Variants in GRIK2 observed in about 807,000 individuals in gnomAD.
GRIK2 encodes glutamate ionotropic receptor kainate type subunit 2.
A neutral mutation model predicts 100.3 loss-of-function variants in GRIK2; 32 were observed. The ratio of observed to expected loss-of-function variants is 0.32; its 90% CI spans 0.24 to 0.43. GRIK2 has a LOEUF of 0.43. Among genes scored for constraint, GRIK2 ranks in the 20% least tolerant of loss-of-function variants. GRIK2 has a pLI of 1.00. For synonymous variants in GRIK2, 417 were observed against 389.4 expected (o/e 1.07, Z -0.83); for missense variants, 843 against 1,114.9 (o/e 0.76, Z 3.47).
intron 2 of GRIK2, among the ~76,000 whole-genome samples, chr6:101,620,860 C>T (rs1780122403): frequency 6.6e-6 from 1 of 152,068 alleles, no homozygotes; most frequent in African/African-American, 2.4e-5. Context: ...GGGTCACTCC[C>T]AGCTAACGAG....
At chr6:101,877,234 G>A (rs1785918481) in intron 11 of GRIK2, among the ~76,000 whole-genome samples, 1 of 151,910 alleles carries the variant, frequency 6.6e-6, no homozygotes, top group African/African-American at 2.4e-5. Flanking sequence ...AATACATACA[G>A]TTGGCCAGTT....
Position 101,589,917 on chromosome 6 carries a change from A to C in GRIK2, c.116-32032A>C, listed in dbSNP as rs538979218. ...ATTTACTAATTCAACTTGTTTACCTACTTGAAGGGGAAACTAATAATAACC... is the reference window on the plus strand; with the variant it reads ...ATTTACTAATTCAACTTGTTTACCTCCTTGAAGGGGAAACTAATAATAACC... On this transcript the variant is annotated intron_variant, in intron 2 of 16. Coordinates refer to ENST00000369134, the MANE Select transcript of GRIK2 (RefSeq NM_021956.5). 4.7e-4 allele frequency among the ~76,000 whole-genome samples: 72 copies of C among 152,194 alleles called. 2 individuals carry two copies. The South Asian group carries it at 0.015, about 31-fold the overall frequency.
chr6:101,403,279 C>A (rs117699663), intron 2 of GRIK2, among the ~76,000 whole-genome samples: 4,828 of 152,316 alleles, frequency 0.032, 104 homozygotes, highest in Non-Finnish European at 0.048. Context: ...GGTTTCCTTG[C>A]CGAATTGCTG....
intron 7 of GRIK2, among the ~76,000 whole-genome samples, chr6:101,765,320 T>G (rs73761418): frequency 6.6e-6 from 1 of 152,148 alleles, no homozygotes; most frequent in Non-Finnish European, 1.5e-5. Flanking sequence ...TGTTTATCTC[T>G]CTAGCATTAG....
chr6:101,943,594 T>C (rs1713203391), intron 14 of GRIK2, among the ~76,000 whole-genome samples: 1 of 152,174 alleles, frequency 6.6e-6, no homozygotes, highest in African/African-American at 2.4e-5. Context: ...CAGCATACCC[T>C]GTATGTGAGA....
chr6:101,835,512 C>T (rs952732654), intron 10 of GRIK2, among the ~76,000 whole-genome samples: 3 of 145,606 alleles, frequency 2.1e-5, no homozygotes, highest in African/African-American at 7.7e-5. Flanking sequence ...ACTCTGTCGC[C>T]CAGGCAGGAT....
intron 7 of GRIK2, among the ~76,000 whole-genome samples, chr6:101,738,796 T>A (rs1014762580): frequency 1.3e-5 from 2 of 152,148 alleles, no homozygotes; most frequent in Non-Finnish European, 1.5e-5. Context: ...AATAAATGTC[T>A]CTTGGGTGGC....
intron 15 of GRIK2, among the ~76,000 whole-genome samples, chr6:102,048,034 G>A (rs932346036): frequency 6.8e-6 from 1 of 147,998 alleles, no homozygotes; most frequent in African/African-American, 2.5e-5. Context: ...ATTGACCAAT[G>A]GAACTGTATG....
chr6:102,033,940 G>C (rs1770129347), intron 14 of GRIK2, among the ~76,000 whole-genome samples: 1 of 151,290 alleles, frequency 6.6e-6, no homozygotes, highest in Non-Finnish European at 1.5e-5. Context: ...AAAGTTGGTT[G>C]GTTTTCAGTT....
chr6:101,836,106 G>A (rs191255393), intron 10 of GRIK2, among the ~76,000 whole-genome samples: 7 of 151,706 alleles, frequency 4.6e-5, no homozygotes, highest in Non-Finnish European at 7.4e-5. Flanking sequence ...GCCTTTTTCT[G>A]CTGTTGCAGT....
intron 15 of GRIK2, among the ~76,000 whole-genome samples, chr6:102,041,802 A>ATT (rs1562132576): frequency 2.0e-5 from 3 of 151,294 alleles, no homozygotes; most frequent in East Asian, 2.0e-4. Context: ...AGAAAATTAA[A>ATT]AAAAAAAAGT....
At chr6:101,394,313 T>A (rs2852503) in intron 1 of GRIK2, among the ~76,000 whole-genome samples, 26,445 of 152,218 alleles carry the variant, frequency 0.17, 2,485 homozygotes, top group Non-Finnish European at 0.19. Context: ...GGCACCCGTA[T>A]TAAGAGCTTC....
At chr6:101,481,876 A>T (rs977171701) in intron 2 of GRIK2, among the ~76,000 whole-genome samples, 2 of 152,046 alleles carry the variant, frequency 1.3e-5, no homozygotes, top group African/African-American at 4.8e-5. Flanking sequence ...TGCTATTCTG[A>T]TGATAGTGAG....
intron 9 of GRIK2, among the ~76,000 whole-genome samples, chr6:101,803,691 A>C (rs1221282356): frequency 6.6e-6 from 1 of 151,884 alleles, no homozygotes; most frequent in Non-Finnish European, 1.5e-5. Flanking sequence ...TATCGAAATC[A>C]CTAGGAGGAA....
At chr6:101,419,223 C>T (rs1039705945) in intron 2 of GRIK2, among the ~76,000 whole-genome samples, 1 of 152,150 alleles carries the variant, frequency 6.6e-6, no homozygotes, top group Admixed American at 6.5e-5. Flanking sequence ...GATGTAGGAC[C>T]TATTCCTCAC....
intron 2 of GRIK2, among the ~76,000 whole-genome samples, chr6:101,594,943 T>C (rs1327525743): frequency 1.3e-5 from 2 of 151,566 alleles, no homozygotes; most frequent in African/African-American, 2.4e-5. Flanking sequence ...TTTAGACAAA[T>C]AAGCATGTGG....
At chr6:101,702,601 T>A (rs1346059496) in intron 7 of GRIK2, among the ~76,000 whole-genome samples, 1 of 151,954 alleles carries the variant, frequency 6.6e-6, no homozygotes, top group Non-Finnish European at 1.5e-5. Flanking sequence ...GCACTGTTTT[T>A]GGAATAGAGC....
chr6:101,974,154 T>A lies in GRIK2; in HGVS notation c.2085+45522T>A, dbSNP rs189738005. 2.9e-3 allele frequency among the ~76,000 whole-genome samples: 445 copies of A among 152,038 alleles called. 3 individuals are homozygous for A. The highest frequency in any genetic ancestry group is 4.7e-3 in the Non-Finnish European group (319 of 67,928). On this transcript the variant is annotated intron_variant, in intron 14 of 16. Coordinates refer to ENST00000369134, the MANE Select transcript of GRIK2 (RefSeq NM_021956.5). The stretch of plus-strand genomic sequence containing the variant: ...TTTAGCCATCTTGTCTTTTTGTAAA[T>A]AATTGTGAATAAAAATTCATTTTAT...
rs1377806600 is a variant in GRIK2, at chr6:101,906,386, T to TGTGTGTGTGTGTGTG, written c.1748+16523_1748+16524insGTGTGTGTGTGTGTG. On this transcript the variant is annotated intron_variant, in intron 12 of 16. Coordinates refer to ENST00000369134, the MANE Select transcript of GRIK2 (RefSeq NM_021956.5). ...AAGATCTGTGTGTGTGTGTGTGTGTTTGTGTGTGTTTAAACCTTGGGATAA... is the reference window on the plus strand; with the variant it reads ...AAGATCTGTGTGTGTGTGTGTGTGTTGTGTGTGTGTGTGTGTGTGTGTGTTTAAACCTTGGGATAA... Among the ~76,000 whole-genome samples, 11 of 22,710 alleles carry TGTGTGTGTGTGTGTG rather than the reference T, an allele frequency of 4.8e-4. 1 individual carries two copies. The South Asian group carries it at 0.012, about 24-fold the overall frequency. The allele number at this position is 22,710 out of a possible 152,430, so 14.9% of individuals were successfully genotyped here.
Sources: gnomAD v4.1 joint callset for allele counts (sites outside exome capture counted in the v4.1 genomes callset) on GRCh38, gnomAD v4.1.1 for gene constraint, MANE v1.5 for transcripts, NCBI Gene and HGNC (gene_info 2026-07-23, HGNC 2026-07-21) for gene names.